Variants in PCDHA4 observed in about 807,000 individuals in gnomAD.
PCDHA4 encodes protocadherin alpha 4, also known as protocadherin alpha-4.
PCDHA4 carries 49 observed loss-of-function variants against 61.4 expected under a neutral mutation model. The ratio of observed to expected loss-of-function variants is 0.80; its 90% confidence interval spans 0.63 to 1.01. The LOEUF is 1.01. Among genes scored for constraint, PCDHA4 ranks in the 50% least tolerant of loss-of-function variants. The pLI is 0.00. For synonymous variants in PCDHA4, 590 were observed against 550.3 expected, an observed-to-expected ratio of 1.07 and a Z score of -1.01; for missense variants, 1,254 against 1,235.8, an observed-to-expected ratio of 1.01 and a Z score of -0.22.
chr5:140,834,229 T>C, intron 1 of PCDHA4: 1 of 716,748 alleles, frequency 1.4e-6, no homozygotes, highest in South Asian at 2.1e-5. Flanking sequence ...CAAAAGGAAG[T>C]CATTCCTTTT....
chr5:140,821,669 C>A, intron 1 of PCDHA4: 2 of 1,272,360 alleles, frequency 1.6e-6, no homozygotes, highest in Non-Finnish European at 1.1e-6. Flanking sequence ...TGCCAAGAAG[C>A]TCAGAAAGGC....
chr5:140,887,526 C>G (rs914597781), intron 1 of PCDHA4, among the ~76,000 whole-genome samples: 10 of 152,086 alleles, frequency 6.6e-5, no homozygotes, highest in Admixed American at 1.3e-4. Flanking sequence ...ATATATGAGT[C>G]TTCCTCTCCC....
At chr5:140,994,163 G>A (rs2097601451) in intron 3 of PCDHA4, among the ~76,000 whole-genome samples, 1 of 152,200 alleles carries the variant, frequency 6.6e-6, no homozygotes, top group African/African-American at 2.4e-5. Flanking sequence ...CAACGAAGGG[G>A]AAGGAAGCTG....
chr5:140,969,630 A>G (rs1185557414), intron 1 of PCDHA4: 1 of 654,766 alleles, frequency 1.5e-6, no homozygotes, highest in Non-Finnish European at 2.5e-6. Flanking sequence ...GAAACAGGAC[A>G]GGCCTTGGAA....
In PCDHA4 at chr5:140,849,851, A is replaced by G. The variant is rs148732691; in HGVS notation, c.2385+40279A>G. 6 of 1,598,254 alleles carry G rather than the reference A, an allele frequency of 3.8e-6. 1 individual carries two copies. The highest frequency in any genetic ancestry group is 2.2e-5 in the East Asian group (1 of 44,844). On this transcript the variant is annotated intron_variant, in intron 1 of 3. Coordinates refer to ENST00000530339, the MANE Select transcript of PCDHA4 (RefSeq NM_018907.4). ...AGGTGGCCGACGTGAACGACAACGC[A>G]CCAGCGTTCGCGCAGTCCGAGTACA...
At chr5:140,926,575 C>T in intron 1 of PCDHA4, 1 of 273,448 alleles carries the variant, frequency 3.7e-6, no homozygotes, top group Non-Finnish European at 6.8e-6. Flanking sequence ...CTGGAGACAG[C>T]ACCTCTCGCG....
chr5:140,826,631 CTT>C (rs1471509298), intron 1 of PCDHA4, among the ~76,000 whole-genome samples: 3 of 152,132 alleles, frequency 2.0e-5, no homozygotes, highest in Non-Finnish European at 4.4e-5. Context: ...TTGGCCCTGA[CTT>C]TTATATGAAG....
intron 1 of PCDHA4, chr5:140,875,761 G>T (rs373515339): frequency 8.7e-6 from 14 of 1,614,236 alleles, no homozygotes; most frequent in Non-Finnish European, 1.1e-5. Context: ...GAAGCTGTGC[G>T]GGCGGAGCGC....
At chr5:140,828,106 G>A in intron 1 of PCDHA4, 4 of 1,610,640 alleles carry the variant, frequency 2.5e-6, no homozygotes, top group Non-Finnish European at 3.4e-6. Context: ...TGTTTACCCC[G>A]GAGGATAGAT....
intron 1 of PCDHA4, chr5:140,815,742 T>A (rs1251278764): frequency 6.6e-6 from 1 of 152,198 alleles, no homozygotes; most frequent in Non-Finnish European, 1.5e-5. Context: ...AAAGGCCCCC[T>A]CTTAACATTT....
intron 1 of PCDHA4, among the ~76,000 whole-genome samples, chr5:140,953,351 C>G (rs1007094673): frequency 3.3e-5 from 5 of 152,122 alleles, no homozygotes; most frequent in Non-Finnish European, 5.9e-5. Context: ...TTCTTTTGTT[C>G]TGTGCACTCA....
intron 1 of PCDHA4, chr5:140,857,755 T>A: frequency 6.3e-7 from 1 of 1,597,184 alleles, no homozygotes; most frequent in Non-Finnish European, 8.6e-7. Flanking sequence ...CGTCTCCCGC[T>A]GGCAGCGCGG....
chr5:140,901,356 T>C (rs1554189806), intron 1 of PCDHA4, among the ~76,000 whole-genome samples: 1 of 152,232 alleles, frequency 6.6e-6, no homozygotes, highest in Non-Finnish European at 1.5e-5. Context: ...GTCTTAGATT[T>C]AAGTCTTTAA....
chr5:140,820,966 A>G (rs1766867474), intron 1 of PCDHA4, among the ~76,000 whole-genome samples: 1 of 152,142 alleles, frequency 6.6e-6, no homozygotes, highest in Non-Finnish European at 1.5e-5. Context: ...TTGAGTCAAT[A>G]CAAAAAGTAG....
chr5:140,961,196 A>G (rs2095596614), intron 1 of PCDHA4, among the ~76,000 whole-genome samples: 2 of 152,150 alleles, frequency 1.3e-5, no homozygotes, highest in African/African-American at 4.8e-5. Context: ...GACCCTAGTG[A>G]GGTTGGTATT....
chr5:140,809,728 C>A lies in PCDHA4; in HGVS notation c.2385+156C>A, dbSNP rs1178917105. Reference sequence around the variant, plus strand: ...AAAGTCTTTTGGAATTATAGGACATCAGAGCAATATATATTGCCTTCCTTC... The same window carrying A: ...AAAGTCTTTTGGAATTATAGGACATAAGAGCAATATATATTGCCTTCCTTC... On this transcript the variant is annotated intron_variant, in intron 1 of 3. Coordinates refer to ENST00000530339, the MANE Select transcript of PCDHA4 (RefSeq NM_018907.4). 4 of 799,806 alleles carry A rather than the reference C, an allele frequency of 5.0e-6. No individual in the cohort carries two copies. In the East Asian group the frequency reaches 1.1e-4, roughly 21 times the overall value. 49.5% of individuals were successfully genotyped at this position (799,806 alleles called of 1,614,324 possible).
chr5:140,816,312 A>C (rs2126670539), intron 1 of PCDHA4: 29 of 152,232 alleles, frequency 1.9e-4, no homozygotes, highest in Admixed American at 4.6e-4. Flanking sequence ...TAAAATTTTC[A>C]GTTCAATTAT....
At chr5:141,009,500 A>G (rs2098409925) in intron 3 of PCDHA4, 127 bp from the exon 4 acceptor site, 2 of 1,494,658 alleles carry the variant, frequency 1.3e-6, no homozygotes, top group Non-Finnish European at 1.8e-6. Flanking sequence ...TCAGACTTGA[A>G]CAAACAACTC....
At position 140,808,030 on chromosome 5, in the gene PCDHA4, C is replaced by T. The variant is rs1315545536; in HGVS notation, c.843C>T (p.Phe281=). The stretch of plus-strand genomic sequence containing the variant: ...TGAATGGGGACATTGTTTATTCATT[C>T]TCAAATGATATTTCGCCAAATGTGA... ...EGLNGDIVYS[F]SNDISPNVKS... Residue 281 remains phenylalanine (F), a synonymous_variant, in exon 1 of 4, where the codon TTC becomes TTT. Transcript: ENST00000530339. 1.2e-6 allele frequency: 2 copies of T among 1,613,918 alleles called. No homozygotes were observed. The highest frequency in any genetic ancestry group is 1.7e-6 in the Non-Finnish European group (2 of 1,179,828).
Sources: gnomAD v4.1 joint callset for allele counts (sites outside exome capture counted in the v4.1 genomes callset) on GRCh38, gnomAD v4.1.1 for gene constraint, MANE v1.5 for transcripts, NCBI Gene and HGNC (gene_info 2026-07-23, HGNC 2026-07-21) for gene names.